ARFGAP2: variants seen among roughly 807,000 people sequenced by gnomAD.
ARFGAP2 encodes the protein ARF GTPase activating protein 2.
In ARFGAP2, 45 loss-of-function variants were observed where a neutral mutation model predicts 71.9. That is an observed-to-expected ratio of 0.63 (90% CI 0.49 to 0.80). The LOEUF (loss-of-function observed/expected upper bound fraction) is 0.80. Among genes scored for constraint, ARFGAP2 ranks in the 30% least tolerant of loss-of-function variants. The probability of loss-of-function intolerance (pLI) is 0.00; values close to 1 mark genes in which losing one functional copy is unlikely to be tolerated. For missense variants in ARFGAP2, 633 were observed against 673.9 expected, an observed-to-expected ratio of 0.94 and a Z score of 0.67; for synonymous variants, 248 against 249.2, an observed-to-expected ratio of 1.00 and a Z score of 0.05.
chr11:47,167,630 C>G (rs528618502), intron 12 of ARFGAP2, among the ~76,000 whole-genome samples: 1 of 152,148 alleles, frequency 6.6e-6, no homozygotes, highest in Non-Finnish European at 1.5e-5. Flanking sequence ...CAACTCAAAC[C>G]GAAGCCTGAC....
At chr11:47,171,359 G>T (rs570987895) in intron 10 of ARFGAP2, 67 bp downstream of exon 10, 2 of 1,594,180 alleles carry the variant, frequency 1.3e-6, no homozygotes, top group African/African-American at 2.7e-5. Flanking sequence ...CAAACTGCTA[G>T]GAAGGCCCCG....
chr11:47,174,722 T>C, intron 5 of ARFGAP2: 1 of 343,950 alleles, frequency 2.9e-6, no homozygotes, highest in Admixed American at 4.5e-5. Context: ...AGGGGAAGAA[T>C]CCAGGAAAAT....
chr11:47,172,205 G>T lies in ARFGAP2; in HGVS notation c.672+76C>A. 3 of 1,424,462 alleles carry T rather than the reference G, an allele frequency of 2.1e-6. No individual in the cohort carries two copies. In the Admixed American group the frequency reaches 5.4e-5, roughly 25 times the overall value. The allele number at this position is 1,424,462 out of a possible 1,614,324, so 88.2% of individuals were successfully genotyped here. A position where few individuals can be genotyped will look rare whatever the true frequency, so the allele number is the denominator to read the frequency against. ...GCCAAAGTCATATAGCTGGTAAGTG[G>T]TAAGGTCAAGGAGTGAACCCAGGTA... On this transcript the variant is annotated intron_variant, in intron 8 of 15. Transcript: ENST00000524782.
intron 15 of ARFGAP2, 22 bp downstream of exon 15, chr11:47,166,246 T>A: frequency 6.2e-7 from 1 of 1,612,052 alleles, no homozygotes; most frequent in Non-Finnish European, 8.5e-7. Context: ...GCACTCCTCA[T>A]TAGGCCCCAC....
Position 47,168,177 on chromosome 11 carries a change from C to A in ARFGAP2, c.1016G>T (p.Arg339Leu), listed in dbSNP as rs34662994. ...QETPVSAKSS[R>L]SQLDLFDDVG... is the part of the protein sequence containing the mutation. ...ATCGTCAAACAAGTCCAGCTGCGAG[C>A]GAGAGGATTTTGCACTCACTGGGGT... Residue 339 changes from arginine to leucine, a missense_variant, in exon 11 of 16, where the codon CGC becomes CTC. By Grantham distance (102) the Arg-to-Leu change is moderately radical (BLOSUM62 -2). Coordinates refer to ENST00000524782, the MANE Select transcript of ARFGAP2 (RefSeq NM_032389.6). The A allele has an allele frequency of 1.8e-4, 295 of 1,614,236 alleles. 1 individual carries two copies. The East Asian group carries it at 5.1e-3, about 28-fold the overall frequency.
chr11:47,168,371 C>A (rs997136547), intron 10 of ARFGAP2, 120 bp from the exon 11 acceptor site: 30 of 1,393,150 alleles, frequency 2.2e-5, no homozygotes, highest in Non-Finnish European at 2.8e-5. Flanking sequence ...GCCTTCTGTC[C>A]TTACCCAAGC....
intron 8 of ARFGAP2, 152 bp downstream of exon 8, chr11:47,172,129 A>C: frequency 1.2e-6 from 1 of 848,402 alleles, no homozygotes; most frequent in Non-Finnish European, 1.9e-6. Context: ...AAATCCCTTT[A>C]AATCTTTAAA....
Position 47,173,786 on chromosome 11 carries a change from G to T in ARFGAP2, c.535C>A (p.Pro179Thr). 1.2e-6 allele frequency: 2 copies of T among 1,605,342 alleles called. No individual in the cohort carries two copies. Among genetic ancestry groups the T allele is most frequent in the Non-Finnish European group, 1.7e-6 (2 of 1,176,040 alleles). Residue 179 changes from proline to threonine, a missense_variant, in exon 6 of 16, where the codon CCG becomes ACG. By Grantham distance (38) the Pro-to-Thr change is conservative (BLOSUM62 -1). Coordinates refer to ENST00000524782, the MANE Select transcript of ARFGAP2 (RefSeq NM_032389.6). ...TEPSGTQQPA[P>T]STESSGLAQP... ...GCCAGGCCACTGCTCTCTGTAGACG[G>T]GGCTGGCTGCTGGGTCCCTGAAGGC...
intron 10 of ARFGAP2, among the ~76,000 whole-genome samples, chr11:47,169,964 GGAA>G (rs1952529593): frequency 6.6e-6 from 1 of 152,168 alleles, no homozygotes; most frequent in Admixed American, 6.5e-5. Context: ...ACTGAAGCAG[GGAA>G]AGGAGGGAGA....
In ARFGAP2 at chr11:47,175,184, C is replaced by T. The variant is rs768713168; in HGVS notation, c.394G>A (p.Asp132Asn). The change falls in exon 4 of 16, where the codon GAT becomes AAT. Residue 132 changes from aspartate (D) to asparagine (N), a missense_variant and splice_region_variant. Asp to Asn is a conservative substitution (Grantham distance 23). Transcript: ENST00000524782. The stretch of plus-strand genomic sequence containing the variant: ...CAGCCCCAAGAACAGGCACTTACAT[C>T]AGTGCCATGCCTAGCCAGGGCCGCA... ...GSAALARHGT[D>N]LWIDNMSSAV... 1.7e-5 allele frequency: 28 copies of T among 1,614,046 alleles called. No individual in the cohort carries two copies. The East Asian group carries it at 5.8e-4, about 33-fold the overall frequency.
rs1590957027 is a variant in ARFGAP2, at chr11:47,173,150, G to C, written c.619+276C>G. 5 of 481,034 alleles carry C rather than the reference G, an allele frequency of 1.0e-5. No individual in the cohort carries two copies. In the East Asian group the frequency reaches 2.0e-4, roughly 19 times the overall value. The allele number at this position is 481,034 out of a possible 1,614,324, so 29.8% of individuals were successfully genotyped here. A position where few individuals can be genotyped will look rare whatever the true frequency, so the allele number is the denominator to read the frequency against. ...AGGGATAGGTGTCCAGTCTCATGCT[G>C]GCCTCCCCAACACTTTGGCTAGACC... On this transcript the variant is annotated intron_variant, in intron 7 of 15. Coordinates refer to ENST00000524782, the MANE Select transcript of ARFGAP2 (RefSeq NM_032389.6).
At chr11:47,175,740 T>C (rs915480395) in intron 3 of ARFGAP2, 111 bp downstream of exon 3, 59 of 1,247,632 alleles carry the variant, frequency 4.7e-5, no homozygotes, top group Non-Finnish European at 2.3e-5. Flanking sequence ...GGTGGTGTTA[T>C]AGAACAGAGA....
intron 3 of ARFGAP2, 157 bp downstream of exon 3, chr11:47,175,694 T>C (rs1952782350): frequency 2.5e-6 from 2 of 798,518 alleles, no homozygotes; most frequent in Admixed American, 4.9e-5. Flanking sequence ...TAAGAGAAGC[T>C]GTGACCAGTT....
At chr11:47,171,904 A>C in intron 8 of ARFGAP2, 104 bp from the exon 9 acceptor site, 1 of 1,495,396 alleles carries the variant, frequency 6.7e-7, no homozygotes, top group Non-Finnish European at 9.0e-7. Context: ...GCCCTTCTTA[A>C]AATTTAGGGT....
intron 2 of ARFGAP2, 120 bp from the exon 3 acceptor site, chr11:47,176,043 T>C: frequency 1.1e-6 from 1 of 916,212 alleles, no homozygotes. Context: ...TAATCAGCCA[T>C]CACCCCATTT....
At chr11:47,173,611 C>T in intron 6 of ARFGAP2, 129 bp from the exon 7 acceptor site, 1 of 1,399,044 alleles carries the variant, frequency 7.1e-7, no homozygotes, top group East Asian at 2.5e-5. Flanking sequence ...GAATATCTAC[C>T]ACTTCCTCCA....
intron 8 of ARFGAP2, 67 bp downstream of exon 8, chr11:47,172,214 A>C: frequency 6.6e-7 from 1 of 1,511,704 alleles, no homozygotes; most frequent in East Asian, 2.3e-5. Flanking sequence ...GGTAAGGTCA[A>C]GGAGTGAACC....
chr11:47,176,860 T>C lies in ARFGAP2; in HGVS notation c.-7A>G, dbSNP rs758130496. 3.1e-6 allele frequency: 5 copies of C among 1,612,712 alleles called. No individual in the cohort carries two copies. The East Asian group carries it at 8.9e-5, about 29-fold the overall frequency. On this transcript the variant is annotated 5_prime_UTR_variant, in exon 1 of 16. Coordinates refer to ENST00000524782, the MANE Select transcript of ARFGAP2 (RefSeq NM_032389.6). ...TGTTCGGCTCCGCCGCCATTTTCTC[T>C]CCTTCCCAGACACAACCGCGGCTGA...
intron 7 of ARFGAP2, chr11:47,173,059 G>A (rs1172326030): frequency 3.4e-5 from 13 of 377,702 alleles, no homozygotes; most frequent in South Asian, 1.6e-4. Flanking sequence ...TCCAGCCTTC[G>A]GCAGCTCAGA....
Sources: allele counts gnomAD v4.1 joint callset (sites outside exome capture counted in the v4.1 genomes callset), GRCh38; gene constraint gnomAD v4.1.1; transcripts MANE v1.5; gene names NCBI Gene and HGNC (gene_info 2026-07-23, HGNC 2026-07-21).